KLHL1: variants seen among roughly 807,000 people sequenced by gnomAD.
The protein encoded by KLHL1 is kelch like family member 1.
A neutral mutation model predicts 77.7 loss-of-function variants in KLHL1; 47 were observed. That is an observed-to-expected ratio of 0.60 (90% CI 0.48 to 0.77). The LOEUF (loss-of-function observed/expected upper bound fraction) is 0.77. KLHL1 is among the 30% of genes least tolerant of loss of function. The pLI, the probability that KLHL1 is intolerant of heterozygous loss-of-function variation, is 0.00. For missense variants in KLHL1, 925 were observed against 910.8 expected (o/e 1.02, Z -0.20); for synonymous variants, 360 against 325.2 (o/e 1.11, Z -1.15).
intron 4 of KLHL1, among the ~76,000 whole-genome samples, chr13:69,885,363 G>T (rs1229053197): frequency 1.3e-5 from 2 of 151,988 alleles, no homozygotes; most frequent in African/African-American, 4.8e-5. Flanking sequence ...ATAAGGAAAT[G>T]GGACCTCAGG....
chr13:69,876,333 G>T (rs535058821), intron 5 of KLHL1, among the ~76,000 whole-genome samples: 1 of 152,028 alleles, frequency 6.6e-6, no homozygotes, highest in African/African-American at 2.4e-5. Context: ...TATGTCACTG[G>T]TATCTGATCA....
At chr13:69,887,758 A>G (rs985823052) in intron 4 of KLHL1, among the ~76,000 whole-genome samples, 5 of 152,116 alleles carry the variant, frequency 3.3e-5, no homozygotes, top group Admixed American at 2.6e-4. Context: ...TCTGATCACA[A>G]TGACTTAGGT....
rs145280706 is a variant in KLHL1, at chr13:69,844,361, G to A, written c.1228-5199C>T. 6.4e-3 allele frequency among the ~76,000 whole-genome samples: 968 copies of A among 151,658 alleles called. 18 individuals carry two copies. The highest frequency in any genetic ancestry group is 0.046 in the Admixed American group (702 of 15,148). ...TTTTCCTTTTTATGAATAAAATATT[G>A]TGTAAAATGTAACTTTGGCCTACTC... On this transcript the variant is annotated intron_variant, in intron 5 of 10. Coordinates refer to ENST00000377844, the MANE Select transcript of KLHL1 (RefSeq NM_020866.3).
rs185573563 is a variant in KLHL1 at position 70,108,136 on chromosome 13, G to C, written c.-437C>G. 14 of 403,710 alleles carry C rather than the reference G, an allele frequency of 3.5e-5. No homozygotes were observed. The highest frequency in any genetic ancestry group is 5.7e-5 in the Non-Finnish European group (13 of 229,330). 25.0% of individuals were successfully genotyped at this position (403,710 alleles called of 1,614,324 possible). ...GGGATGCGCTTGTGGCAGAGCCTTA[G>C]TAGGGAAGGTGGTGGCGTTCTTGTC... On this transcript the variant is annotated 5_prime_UTR_variant, in exon 1 of 11. Coordinates refer to ENST00000377844, the MANE Select transcript of KLHL1 (RefSeq NM_020866.3).
intron 5 of KLHL1, among the ~76,000 whole-genome samples, chr13:69,875,901 T>C (rs1184180554): frequency 1.3e-5 from 2 of 152,046 alleles, no homozygotes; most frequent in African/African-American, 4.8e-5. Flanking sequence ...GAAGACTATC[T>C]CAATAATGAT....
At chr13:69,994,030 G>C (rs1025053826) in intron 1 of KLHL1, among the ~76,000 whole-genome samples, 13 of 152,090 alleles carry the variant, frequency 8.5e-5, no homozygotes, top group African/African-American at 1.4e-4. Context: ...AAAGAGTGTA[G>C]ATTGGGATTG....
At chr13:69,730,162 TA>T (rs1873478011) in intron 8 of KLHL1, among the ~76,000 whole-genome samples, 1 of 152,232 alleles carries the variant, frequency 6.6e-6, no homozygotes, top group African/African-American at 2.4e-5. Context: ...TACAACAAAA[TA>T]CATATTTTAA....
intron 4 of KLHL1, among the ~76,000 whole-genome samples, chr13:69,903,256 C>T (rs1331479292): frequency 6.6e-6 from 1 of 152,160 alleles, no homozygotes; most frequent in Non-Finnish European, 1.5e-5. Context: ...AGATAAACTG[C>T]AGCCAGAACC....
chr13:70,074,936 C>T (rs1421054630), intron 1 of KLHL1, among the ~76,000 whole-genome samples: 5 of 151,908 alleles, frequency 3.3e-5, no homozygotes, highest in Non-Finnish European at 5.9e-5. Flanking sequence ...GCTCCAGCTA[C>T]AAATACTTAG....
At position 70,108,035 on chromosome 13, in the gene KLHL1, G is replaced by T; in HGVS notation, c.-336C>A. On this transcript the variant is annotated 5_prime_UTR_variant, in exon 1 of 11. Transcript: ENST00000377844. ...TTATGGCGAGGTGGGACAACCCTTA[G>T]GCTGGAGATGCGCGAGGGAGGGAGG... 1 of 429,888 alleles carries T rather than the reference G, an allele frequency of 2.3e-6. No individual in the cohort carries two copies. The highest frequency in any genetic ancestry group is 4.1e-6 in the Non-Finnish European group (1 of 244,062). 26.6% of individuals were successfully genotyped at this position (429,888 alleles called of 1,614,324 possible).
chr13:69,856,554 C>A (rs1041525891), intron 5 of KLHL1, among the ~76,000 whole-genome samples: 10 of 152,122 alleles, frequency 6.6e-5, no homozygotes, highest in Admixed American at 6.6e-4. Context: ...CGGTCTCAGC[C>A]CTTCTCACGT....
chr13:69,782,541 C>T (rs138636544), intron 7 of KLHL1, among the ~76,000 whole-genome samples: 11,146 of 152,190 alleles, frequency 0.073, 517 homozygotes, highest in Non-Finnish European at 0.1. Flanking sequence ...GAGGGTCCTA[C>T]GCCCACAGAG....
intron 4 of KLHL1, chr13:69,894,784 C>T: frequency 4.3e-6 from 1 of 233,142 alleles, no homozygotes; most frequent in Non-Finnish European, 8.5e-6. Flanking sequence ...TGAGAGGAAG[C>T]TCCACAAATT....
At chr13:69,786,043 A>G (rs1406356546) in intron 7 of KLHL1, among the ~76,000 whole-genome samples, 2 of 152,266 alleles carry the variant, frequency 1.3e-5, no homozygotes, top group East Asian at 3.9e-4. Context: ...AGAGTCCAGG[A>G]CCAGATGGAT....
In KLHL1 at chr13:70,108,052, G is replaced by A. The variant is rs1451236189; in HGVS notation, c.-353C>T. 4 of 425,014 alleles carry A rather than the reference G, an allele frequency of 9.4e-6. No individual in the cohort carries two copies. Among genetic ancestry groups the A allele is most frequent in the Non-Finnish European group, 1.7e-5 (4 of 241,128 alleles). 26.3% of individuals were successfully genotyped at this position (425,014 alleles called of 1,614,324 possible). ...AACCCTTAGGCTGGAGATGCGCGAG[G>A]GAGGGAGGTCTGAGCGCTCCGAAGC... On this transcript the variant is annotated 5_prime_UTR_variant, in exon 1 of 11. Transcript: ENST00000377844.
intron 3 of KLHL1, among the ~76,000 whole-genome samples, chr13:69,948,417 G>A (rs77945426): frequency 0.041 from 6,168 of 152,046 alleles, 398 homozygotes; most frequent in East Asian, 0.27. Flanking sequence ...TATGAAAGGG[G>A]TGAAACACAA....
intron 4 of KLHL1, among the ~76,000 whole-genome samples, chr13:69,904,462 C>G (rs1881983241): frequency 6.6e-6 from 1 of 152,158 alleles, no homozygotes; most frequent in South Asian, 2.1e-4. Flanking sequence ...ACTGAAAGAG[C>G]TGAAGTTGAC....
intron 6 of KLHL1, among the ~76,000 whole-genome samples, chr13:69,826,997 T>C (rs1878574615): frequency 6.6e-6 from 1 of 151,804 alleles, no homozygotes; most frequent in Non-Finnish European, 1.5e-5. Flanking sequence ...TTTTGGACAT[T>C]TAAAGATACT....
In KLHL1 at chr13:70,027,351, G is replaced by A. The variant is rs900911620; in HGVS notation, c.498-51549C>T. 2.7e-5 allele frequency among the ~76,000 whole-genome samples: 4 copies of A among 150,308 alleles called. No homozygotes were observed. In the East Asian group the frequency reaches 6.0e-4, roughly 23 times the overall value. ...TGTATCACTAAAGAGAACCATAGGA[G>A]CGTAAATCCCTTTAGAGCCAGTTGA... On this transcript the variant is annotated intron_variant, in intron 1 of 10. Transcript: ENST00000377844.
Sources: gnomAD v4.1 joint callset for allele counts (sites outside exome capture counted in the v4.1 genomes callset) on GRCh38, gnomAD v4.1.1 for gene constraint, MANE v1.5 for transcripts, NCBI Gene and HGNC (gene_info 2026-07-23, HGNC 2026-07-21) for gene names.